Variants in ANKFY1 observed in about 807,000 individuals in gnomAD.
The protein encoded by ANKFY1 is ankyrin repeat and FYVE domain-containing protein 1.
Under a neutral mutation model 128.3 loss-of-function variants are expected in ANKFY1, and 47 were observed. The ratio of observed to expected loss-of-function variants is 0.37; its 90% confidence interval spans 0.29 to 0.47. The LOEUF (loss-of-function observed/expected upper bound fraction) is 0.47, where lower values mean the gene tolerates loss of function less well. Among genes scored for constraint, ANKFY1 ranks in the 20% least tolerant of loss-of-function variants. The pLI, the probability that ANKFY1 is intolerant of heterozygous loss-of-function variation, is 1.00. For synonymous variants in ANKFY1, 553 were observed against 601.6 expected, an observed-to-expected ratio of 0.92 and a Z score of 1.18; for missense variants, 1,222 against 1,510.6, an observed-to-expected ratio of 0.81 and a Z score of 3.17.
At chr17:4,236,996 C>T (rs2143307153) in intron 2 of ANKFY1, among the ~76,000 whole-genome samples, 2 of 152,014 alleles carry the variant, frequency 1.3e-5, no homozygotes, top group Admixed American at 1.3e-4. Context: ...ATTAGCCAAG[C>T]ATGGTAGCAG....
Position 4,184,968 on chromosome 17 carries a change from G to C in ANKFY1, c.1549C>G (p.Pro517Ala). 1 of 1,614,042 alleles carries C rather than the reference G, an allele frequency of 6.2e-7. No homozygotes were observed. The highest frequency in any genetic ancestry group is 8.5e-7 in the Non-Finnish European group (1 of 1,180,040). The change falls in exon 12 of 25, where the codon CCA becomes GCA. Residue 517 changes from proline to alanine, a missense_variant. Pro to Ala is a conservative substitution (Grantham distance 27). Transcript: ENST00000341657. The stretch of plus-strand genomic sequence containing the variant: ...AGAGCTTCCTCCGTCTGCAGGTTTG[G>C]GTTGGCGCCTTGCTGCAGGAGCTCT... ...TAELLQQGAN[P>A]NLQTEEALPL...
chr17:4,170,101 T>C (rs1390800978), intron 23 of ANKFY1, among the ~76,000 whole-genome samples: 3 of 152,190 alleles, frequency 2.0e-5, no homozygotes, highest in Admixed American at 6.5e-5. Flanking sequence ...TCAACCCGAC[T>C]CCACCACAGA....
chr17:4,217,245 C>T (rs574455976), intron 3 of ANKFY1, 127 bp from the exon 4 acceptor site: 3 of 1,086,136 alleles, frequency 2.8e-6, no homozygotes, highest in African/African-American at 3.2e-5. Flanking sequence ...GAATATTACA[C>T]AGTCATTAAA....
chr17:4,183,295 A>G, intron 14 of ANKFY1, 103 bp downstream of exon 14: 1 of 1,397,948 alleles, frequency 7.2e-7, no homozygotes, highest in East Asian at 2.3e-5. Flanking sequence ...CCTTTCCTCT[A>G]ACTAATATGA....
At chr17:4,226,138 C>T (rs548476573) in intron 3 of ANKFY1, among the ~76,000 whole-genome samples, 115 of 152,168 alleles carry the variant, frequency 7.6e-4, no homozygotes, top group African/African-American at 2.6e-3. Flanking sequence ...ATAATAGAGG[C>T]TAAAAATTAT....
chr17:4,193,140 G>T (rs1256717985), intron 10 of ANKFY1, among the ~76,000 whole-genome samples: 1 of 152,198 alleles, frequency 6.6e-6, no homozygotes, highest in Non-Finnish European at 1.5e-5. Flanking sequence ...GAACAAGCTT[G>T]ATTTAATGCA....
intron 2 of ANKFY1, among the ~76,000 whole-genome samples, chr17:4,237,050 C>T (rs1409858620): frequency 6.6e-6 from 1 of 151,958 alleles, no homozygotes; most frequent in Non-Finnish European, 1.5e-5. Context: ...GCAAGAGAAT[C>T]GCTTGAACCC....
At chr17:4,243,062 T>TG (rs1391969439) in intron 1 of ANKFY1, among the ~76,000 whole-genome samples, 1 of 150,538 alleles carries the variant, frequency 6.6e-6, no homozygotes, top group Admixed American at 6.6e-5. Context: ...TTTTTTTGTT[T>TG]TTTGTTTGTT....
intron 3 of ANKFY1, among the ~76,000 whole-genome samples, chr17:4,217,686 AT>A (rs370530391): frequency 8.7e-5 from 13 of 150,206 alleles, no homozygotes; most frequent in East Asian, 2.0e-4. Flanking sequence ...AATTAACATT[AT>A]TTTTTTTTTC....
chr17:4,194,112 T>A (rs1337668182), intron 10 of ANKFY1, among the ~76,000 whole-genome samples: 7 of 136,804 alleles, frequency 5.1e-5, no homozygotes, highest in African/African-American at 1.1e-4. Flanking sequence ...TATTTTTTTT[T>A]TTTTTTTTTT....
At position 4,207,881 on chromosome 17, in the gene ANKFY1, C is replaced by T. The variant is rs1027960539; in HGVS notation, c.732+52G>A. 1.3e-5 allele frequency: 19 copies of T among 1,507,486 alleles called. No homozygotes were observed. The South Asian group carries it at 2.2e-4, about 17-fold the overall frequency. The allele number at this position is 1,507,486 out of a possible 1,614,324, so 93.4% of individuals were successfully genotyped here. On this transcript the variant is annotated intron_variant, in intron 6 of 24. Coordinates refer to ENST00000341657, the MANE Select transcript of ANKFY1 (RefSeq NM_001330063.2). ...AAGTGAGAAGTACCACGGAGAAAGA[C>T]AAGTGCATTAGAGTTTCGGGAAATG...
At chr17:4,193,827 T>A (rs2059762985) in intron 10 of ANKFY1, among the ~76,000 whole-genome samples, 1 of 151,826 alleles carries the variant, frequency 6.6e-6, no homozygotes, top group Non-Finnish European at 1.5e-5. Flanking sequence ...TGACGCGATC[T>A]TGGCTCACTG....
In ANKFY1 at chr17:4,183,545, T is replaced by C. The variant is rs1245375797; in HGVS notation, c.1805A>G (p.His602Arg). The change falls in exon 14 of 25, where the codon CAC becomes CGC. Residue 602 changes from histidine to arginine, a missense_variant. Physicochemically the swap from His to Arg is conservative, Grantham distance 29. Transcript: ENST00000341657. ...VLGLALWTGMHTIAAQLLGSG... is the reference protein window; with the variant it reads ...VLGLALWTGMRTIAAQLLGSG... The stretch of plus-strand genomic sequence containing the variant: ...GCCCAGCAGCTGGGCTGCGATCGTG[T>C]GCATGCCTGGGAAACAAGCCCCGAT... The C allele has an allele frequency of 1.2e-6, 2 of 1,612,188 alleles. No homozygotes were observed. The highest frequency in any genetic ancestry group is 1.1e-5 in the South Asian group (1 of 91,000).
rs1481768786 is a variant in ANKFY1, at chr17:4,169,041, G to A, written c.3377+157C>T. ...TCCCTACATCTCTGTTCCTCAGTAG[G>A]ATCCTTGGGTGTGCTCATCTCATCC... On this transcript the variant is annotated intron_variant, in intron 24 of 24. Transcript: ENST00000341657. The surrounding 1 kb of genome is among the most constrained non-coding windows in gnomAD (Gnocchi z 5.0). The A allele has an allele frequency of 3.1e-6, 2 of 643,342 alleles. No individual in the cohort carries two copies. Among genetic ancestry groups the A allele is most frequent in the Admixed American group, 5.1e-5 (2 of 39,080 alleles). 39.9% of individuals were successfully genotyped at this position (643,342 alleles called of 1,614,324 possible). A position where few individuals can be genotyped will look rare whatever the true frequency, so the allele number is the denominator to read the frequency against.
rs988339087 is a variant in ANKFY1, at chr17:4,166,601, A to G, written c.*1178T>C. On this transcript the variant is annotated 3_prime_UTR_variant, in exon 25 of 25. Coordinates refer to ENST00000341657, the MANE Select transcript of ANKFY1 (RefSeq NM_001330063.2). ...CACACAAGCCAGAGACTTCCAAAGT[A>G]AGGTGGCGCACACGTGGCCAGGGCC... 5.2e-5 allele frequency: 8 copies of G among 152,578 alleles called. No individual in the cohort carries two copies. The highest frequency in any genetic ancestry group is 1.9e-4 in the East Asian group (1 of 5,192). The allele number at this position is 152,578 out of a possible 1,614,324, so 9.5% of individuals were successfully genotyped here.
chr17:4,215,366 A>T (rs956325858), intron 4 of ANKFY1, among the ~76,000 whole-genome samples: 2 of 151,840 alleles, frequency 1.3e-5, no homozygotes, highest in Admixed American at 6.6e-5. Flanking sequence ...GATTTTCCTG[A>T]TGCTTACTAT....
intron 4 of ANKFY1, among the ~76,000 whole-genome samples, chr17:4,215,074 A>C (rs923543771): frequency 1.8e-4 from 27 of 152,070 alleles, no homozygotes; most frequent in African/African-American, 6.5e-4. Context: ...GGATCACCTG[A>C]GGCTAGGAGT....
At chr17:4,233,745 C>T (rs796884482) in intron 3 of ANKFY1, among the ~76,000 whole-genome samples, 14 of 152,288 alleles carry the variant, frequency 9.2e-5, no homozygotes, top group African/African-American at 3.4e-4. Context: ...TATTTACAGC[C>T]CTGGTCTGAA....
rs60561665 is a variant in ANKFY1 at position 4,202,696 on chromosome 17, C to CAA, written c.898+3623_898+3624dup. Among the ~76,000 whole-genome samples the CAA allele has an allele frequency of 8.6e-3, 643 of 74,642 alleles. 64 individuals are homozygous for CAA. The highest frequency in any genetic ancestry group is 0.033 in the African/African-American group (507 of 15,232). 49.0% of individuals were successfully genotyped at this position (74,642 alleles called of 152,430 possible). On this transcript the variant is annotated intron_variant, in intron 7 of 24. Transcript: ENST00000341657. ...TGGGCGACAGAGCGAAACTCCGTCTCAAAAAAAAAAAAAAAAAAAAAAAGA... is the reference window on the plus strand; with the variant it reads ...TGGGCGACAGAGCGAAACTCCGTCTCAAAAAAAAAAAAAAAAAAAAAAAAAGA...
Sources: allele counts gnomAD v4.1 joint callset (sites outside exome capture counted in the v4.1 genomes callset), GRCh38; gene constraint gnomAD v4.1.1; non-coding constraint Gnocchi (gnomAD v3.1); transcripts MANE v1.5; gene names NCBI Gene and HGNC (gene_info 2026-07-23, HGNC 2026-07-21).